Variants in ADAMTS9 observed in about 807,000 individuals in gnomAD.
ADAMTS9 encodes the protein A disintegrin and metalloproteinase with thrombospondin motifs 9.
A neutral mutation model predicts 257.1 loss-of-function variants in ADAMTS9; 107 were observed. The ratio of observed to expected loss-of-function variants is 0.42; its 90% CI spans 0.36 to 0.49. ADAMTS9 has a LOEUF of 0.49. ADAMTS9 is among the 20% of genes least tolerant of loss of function. The pLI is 0.03. For synonymous variants in ADAMTS9, 982 were observed against 880.9 expected (o/e 1.11, Z -2.03); for missense variants, 2,353 against 2,469.1 (o/e 0.95, Z 1.00).
intron 39 of ADAMTS9, chr3:64,521,781 A>G (rs7626186): frequency 0.014 from 2,269 of 156,982 alleles, 45 homozygotes; most frequent in African/African-American, 0.052. Context: ...GGACACTGGT[A>G]ACTCCAAAAG....
In ADAMTS9 at chr3:64,687,535, C is replaced by A. The variant is rs1394316420; in HGVS notation, c.115+8G>T. ...CCGGCGGGGTCCCGGGGGCCGGAGC[C>A]TGGTTACCTTGCCTCGGGTGCAGCC... is the stretch of plus-strand genomic sequence containing the variant. On this transcript the variant is annotated splice_region_variant and intron_variant, in intron 1 of 39. Coordinates refer to ENST00000498707, the MANE Select transcript of ADAMTS9 (RefSeq NM_182920.2). The surrounding 1 kb of genome is among the most constrained non-coding windows in gnomAD (Gnocchi z 4.4). 1.3e-6 allele frequency: 2 copies of A among 1,528,454 alleles called. No homozygotes were observed. The highest frequency in any genetic ancestry group is 1.8e-6 in the Non-Finnish European group (2 of 1,134,394). The allele number at this position is 1,528,454 out of a possible 1,614,324, so 94.7% of individuals were successfully genotyped here.
At chr3:64,668,226 A>T (rs114193134) in intron 3 of ADAMTS9, among the ~76,000 whole-genome samples, 13 of 152,328 alleles carry the variant, frequency 8.5e-5, no homozygotes, top group Middle Eastern at 3.4e-3. Context: ...AAAGTTAAGA[A>T]TTTCTAGTAG....
chr3:64,542,843 G>C (rs1178949996), intron 32 of ADAMTS9, among the ~76,000 whole-genome samples: 2 of 152,002 alleles, frequency 1.3e-5, no homozygotes, highest in Non-Finnish European at 2.9e-5. Flanking sequence ...TTTTTGAAAA[G>C]ATCAACAAAA....
At chr3:64,632,522 G>A (rs922548830) in intron 14 of ADAMTS9, among the ~76,000 whole-genome samples, 4 of 152,172 alleles carry the variant, frequency 2.6e-5, no homozygotes, top group African/African-American at 9.7e-5. Context: ...CCTCCATTTT[G>A]AGGCCTGAGG....
At chr3:64,600,705 A>G (rs2084444535) in intron 26 of ADAMTS9, among the ~76,000 whole-genome samples, 1 of 152,240 alleles carries the variant, frequency 6.6e-6, no homozygotes, top group Admixed American at 6.5e-5. Flanking sequence ...AAAAGTGGAA[A>G]GCAAGAGAGG....
rs961173821 is a variant in ADAMTS9 at position 64,686,376 on chromosome 3, T to C, written c.516+192A>G. On this transcript the variant is annotated intron_variant, in intron 2 of 39. Coordinates refer to ENST00000498707, the MANE Select transcript of ADAMTS9 (RefSeq NM_182920.2). The surrounding 1 kb of genome is among the most constrained non-coding windows in gnomAD (Gnocchi z 4.6). ...CCAGAAGCCCCTGGGGGCGGGTGTG[T>C]GCGCTCCACGCCAGTGTACTCGCAC... Among the ~76,000 whole-genome samples the C allele has an allele frequency of 2.2e-4, 33 of 152,258 alleles. No individual in the cohort carries two copies. Among genetic ancestry groups the C allele is most frequent in the Admixed American group, 2.2e-3 (33 of 15,286 alleles).
intron 30 of ADAMTS9, among the ~76,000 whole-genome samples, chr3:64,552,715 G>A (rs1287402137): frequency 6.6e-6 from 1 of 151,782 alleles, no homozygotes; most frequent in Non-Finnish European, 1.5e-5. Flanking sequence ...GAGCCACCAC[G>A]CTCAGCTTAT....
intron 29 of ADAMTS9, chr3:64,565,675 G>A (rs2083527016): frequency 6.6e-6 from 1 of 152,148 alleles, no homozygotes; most frequent in African/African-American, 2.4e-5. Flanking sequence ...AACGCTTTTT[G>A]TATCATGGGA....
rs554151476 is a variant in ADAMTS9 at position 64,621,172 on chromosome 3, C to T, written c.2755G>A (p.Asp919Asn). The change falls in exon 19 of 40, where the codon GAT (aspartate) becomes AAT (asparagine). Residue 919 changes from aspartate to asparagine, a missense_variant. Transcript: ENST00000498707. The part of the protein sequence containing the change: ...DQLTVSDQRC[D>N]RLPQPGHITE... ...ATGTGTCCAGGCTGGGGCAGCCGAT[C>T]GCATCTTTGATCAGAAACAGTAAGC... 2.3e-5 allele frequency: 37 copies of T among 1,613,838 alleles called. No homozygotes were observed. The highest frequency in any genetic ancestry group is 1.7e-4 in the Middle Eastern group (1 of 6,046).
chr3:64,570,407 C>A (rs1239903871), intron 28 of ADAMTS9, among the ~76,000 whole-genome samples: 1 of 152,074 alleles, frequency 6.6e-6, no homozygotes, highest in Non-Finnish European at 1.5e-5. Flanking sequence ...CTATGAGCTA[C>A]AATTATGAGT....
In ADAMTS9 at chr3:64,603,955, G is replaced by C. The variant is rs763702737; in HGVS notation, c.3714C>G (p.Pro1238=). The change falls in exon 25 of 40, where the codon CCC becomes CCG. Residue 1238 remains proline, a synonymous_variant. Transcript: ENST00000498707. ...AGTCCAAGGCCTTCCATTGCCCACA[G>C]GGTGTCACAGAACATTCTTCCTTTG... ...PVAKEECSVT[P]CGQWKALDWS... is the part of the protein sequence containing the mutation. 1.2e-6 allele frequency: 2 copies of C among 1,613,840 alleles called. No homozygotes were observed. Among genetic ancestry groups the C allele is most frequent in the South Asian group, 1.1e-5 (1 of 91,074 alleles).
Position 64,606,940 on chromosome 3 carries a change from G to A in ADAMTS9, c.3474+20C>T, listed in dbSNP as rs2084566036. 7.4e-6 allele frequency: 12 copies of A among 1,613,022 alleles called. 1 individual carries two copies. The East Asian group carries it at 2.0e-4, about 27-fold the overall frequency. On this transcript the variant is annotated intron_variant, in intron 23 of 39. Coordinates refer to ENST00000498707, the MANE Select transcript of ADAMTS9 (RefSeq NM_182920.2). ...CTTGGTCCCCAAAGTCAATAACTGA[G>A]TTGGACAAAGGAAACTTACCTGGGT...
chr3:64,596,711 C>T (rs879215973), intron 27 of ADAMTS9, 119 bp downstream of exon 27: 2 of 1,233,426 alleles, frequency 1.6e-6, no homozygotes, highest in Non-Finnish European at 2.3e-6. Flanking sequence ...CCTAGTTAAT[C>T]CCCACCCCAG....
chr3:64,522,019 G>A (rs1165816726), intron 39 of ADAMTS9, 147 bp downstream of exon 39: 17 of 634,034 alleles, frequency 2.7e-5, no homozygotes, highest in Non-Finnish European at 4.7e-5. Flanking sequence ...GAGGACAGAG[G>A]AGCAGGAGAT....
Position 64,541,574 on chromosome 3 carries a change from G to A in ADAMTS9, c.5244C>T (p.Ala1748=), listed in dbSNP as rs1473717849. 6.2e-7 allele frequency: 1 copy of A among 1,613,950 alleles called. No homozygotes were observed. Among genetic ancestry groups the A allele is most frequent in the East Asian group, 2.2e-5 (1 of 44,888 alleles). Residue 1748 remains alanine, a synonymous_variant, in exon 34 of 40, where the codon GCC becomes GCT. Transcript: ENST00000498707. ...NCKEVKRLKG[A]SEDGEYFLMI... is the part of the protein sequence containing the mutation. The stretch of plus-strand genomic sequence containing the variant: ...TCAGGAAATATTCACCATCTTCACT[G>A]GCACCTTTAAGTCTTTTTACCTCCT...
In ADAMTS9 at chr3:64,642,076, C is replaced by T. The variant is rs7632802; in HGVS notation, c.1711-83G>A. On this transcript the variant is annotated intron_variant, in intron 11 of 39. Coordinates refer to ENST00000498707, the MANE Select transcript of ADAMTS9 (RefSeq NM_182920.2). ...TGGCTGTCCTTTTAAACACACCATA[C>T]TGTAATTCTTTTCCATGTGTGGGTT... The T allele has an allele frequency of 0.14, 210,957 of 1,464,794 alleles. 23,029 individuals carry two copies. Among genetic ancestry groups the T allele is most frequent in the African/African-American group, 0.49 (35,349 of 71,572 alleles). 90.7% of individuals were successfully genotyped at this position (1,464,794 alleles called of 1,614,324 possible). A position where few individuals can be genotyped will look rare whatever the true frequency, so the allele number is the denominator to read the frequency against.
In ADAMTS9 at chr3:64,615,436, A is replaced by G. The variant is rs1375456783; in HGVS notation, c.3074T>C (p.Val1025Ala). ...ATCCAGTACATCATTTCGGGTATTG[A>G]CACAAATAGCCCTTCTCCTCTGGGT... The part of the protein sequence containing the change: ...GGTQRRRAIC[V>A]NTRNDVLDDS... The change falls in exon 21 of 40, where the codon GTC becomes GCC. Residue 1025 changes from valine to alanine, a missense_variant. Around this residue, in one of 3 missense-constraint regions of ADAMTS9, gnomAD observed 1,402 missense variants for 1,441.4 expected, o/e 0.97. Transcript: ENST00000498707. 13 of 1,613,860 alleles carry G rather than the reference A, an allele frequency of 8.1e-6. No individual in the cohort carries two copies.
intron 11 of ADAMTS9, among the ~76,000 whole-genome samples, chr3:64,644,626 C>CTA (rs747304788): frequency 2.0e-5 from 3 of 152,208 alleles, no homozygotes; most frequent in African/African-American, 7.2e-5. Context: ...AACTCTTTGG[C>CTA]TTCATTCTGC....
intron 16 of ADAMTS9, among the ~76,000 whole-genome samples, chr3:64,626,218 T>C (rs1037034027): frequency 1.3e-5 from 2 of 152,180 alleles, no homozygotes; most frequent in African/African-American, 2.4e-5. Flanking sequence ...GTGTCTATTA[T>C]AGAAGCCTAA....
Sources: allele counts gnomAD v4.1 joint callset (sites outside exome capture counted in the v4.1 genomes callset), GRCh38; gene constraint gnomAD v4.1.1; regional missense constraint gnomAD v4.1.1; non-coding constraint Gnocchi (gnomAD v3.1); transcripts MANE v1.5; gene names NCBI Gene and HGNC (gene_info 2026-07-23, HGNC 2026-07-21).